Variants in SEL1L3 observed in about 807,000 individuals in gnomAD.
The protein encoded by SEL1L3 is protein sel-1 homolog 3.
Under a neutral mutation model 142.8 loss-of-function variants are expected in SEL1L3, and 76 were observed. The ratio of observed to expected loss-of-function variants is 0.53; its 90% CI spans 0.44 to 0.64. The LOEUF is 0.64. Among genes scored for constraint, SEL1L3 ranks in the 30% least tolerant of loss-of-function variants. The pLI is 0.00. For missense variants in SEL1L3, 1,262 were observed against 1,381.7 expected (o/e 0.91, Z 1.37); for synonymous variants, 504 against 519.6 (o/e 0.97, Z 0.41).
chr4:25,829,570 A>T lies in SEL1L3; in HGVS notation c.1157+528T>A, dbSNP rs551733410. Among the ~76,000 whole-genome samples, 31 of 152,388 alleles carry T rather than the reference A, an allele frequency of 2.0e-4. No individual in the cohort carries two copies. In the South Asian group the frequency reaches 6.2e-3, roughly 31 times the overall value. On this transcript the variant is annotated intron_variant, in intron 6 of 23. Transcript: ENST00000399878. The stretch of plus-strand genomic sequence containing the variant: ...GGATGTAGAAGTAAATTAAAAAATT[A>T]TGAAACACAGGCAGGAAACTCAGTT...
chr4:25,797,628 T>A (rs1029504759), intron 11 of SEL1L3, among the ~76,000 whole-genome samples: 2 of 152,064 alleles, frequency 1.3e-5, no homozygotes, highest in African/African-American at 4.8e-5. Flanking sequence ...GTACCTGCCA[T>A]CAAGAACGAA....
intron 5 of SEL1L3, among the ~76,000 whole-genome samples, chr4:25,831,393 G>C (rs73117332): frequency 0.012 from 1,798 of 151,468 alleles, 37 homozygotes; most frequent in African/African-American, 0.041. Context: ...TGTCCAACCA[G>C]AGAAATCTTC....
chr4:25,814,246 A>T (rs181983019), intron 9 of SEL1L3, among the ~76,000 whole-genome samples: 25 of 152,232 alleles, frequency 1.6e-4, no homozygotes, highest in Admixed American at 1.6e-3. Context: ...TTTCTTTTAC[A>T]TTAGCCTAAA....
At chr4:25,854,515 T>G (rs1560362015) in intron 1 of SEL1L3, among the ~76,000 whole-genome samples, 3 of 152,186 alleles carry the variant, frequency 2.0e-5, no homozygotes, top group Non-Finnish European at 4.4e-5. Context: ...TGACCTCAGG[T>G]GATCCACCCA....
chr4:25,717,177 C>T, the SEL1L3 span, among the ~76,000 whole-genome samples: 1 of 152,086 alleles, frequency 6.6e-6, no homozygotes, highest in East Asian at 1.9e-4. Context: ...TAAATATATA[C>T]ACCTACTATG....
chr4:25,777,020 TTAAAAATACAAAAAA>T (rs1201605302), intron 16 of SEL1L3, among the ~76,000 whole-genome samples: 2 of 150,380 alleles, frequency 1.3e-5, no homozygotes, highest in South Asian at 2.1e-4. Context: ...AGATGAAAAT[TTAAAAATACAAAAAA>T]TAAAAATACA....
chr4:25,714,047 A>G, the SEL1L3 span, among the ~76,000 whole-genome samples: 1 of 152,176 alleles, frequency 6.6e-6, no homozygotes, highest in African/African-American at 2.4e-5. Flanking sequence ...TGATAAGGCA[A>G]GTCACTCCTC....
chr4:25,825,496 C>A (rs887965855), intron 6 of SEL1L3, among the ~76,000 whole-genome samples: 5 of 152,004 alleles, frequency 3.3e-5, no homozygotes, highest in Non-Finnish European at 5.9e-5. Context: ...GCACCAGAAG[C>A]CTGAAAGAAT....
At chr4:25,773,602 A>C (rs16877538) in intron 17 of SEL1L3, 1 of 151,910 alleles carries the variant, frequency 6.6e-6, no homozygotes, top group African/African-American at 2.4e-5. Context: ...ATAAGCATCT[A>C]AGAAACAGGC....
At chr4:25,847,204 C>T in intron 2 of SEL1L3, 90 bp downstream of exon 2, 1 of 1,095,928 alleles carries the variant, frequency 9.1e-7, no homozygotes, top group East Asian at 2.4e-5. Flanking sequence ...TCCCCCTTCG[C>T]TAATAGAAGA....
chr4:25,813,404 C>T (rs1480159123), intron 9 of SEL1L3, among the ~76,000 whole-genome samples: 1 of 152,184 alleles, frequency 6.6e-6, no homozygotes, highest in East Asian at 1.9e-4. Context: ...CACACTGCAA[C>T]AGAGGTGAAC....
intron 4 of SEL1L3, 34 bp from the exon 5 acceptor site, chr4:25,833,144 A>C (rs766218755): frequency 1.7e-6 from 2 of 1,184,662 alleles, no homozygotes; most frequent in Non-Finnish European, 2.5e-6. Flanking sequence ...GAAAATGAGC[A>C]AAAAATATCT....
At chr4:25,721,695 G>A in the SEL1L3 span, among the ~76,000 whole-genome samples, 2 of 152,204 alleles carry the variant, frequency 1.3e-5, no homozygotes, top group African/African-American at 4.8e-5. Context: ...GAAATTCACA[G>A]GAGGAAGGCT....
intron 6 of SEL1L3, among the ~76,000 whole-genome samples, chr4:25,827,143 A>T (rs1715147212): frequency 6.6e-6 from 1 of 152,164 alleles, no homozygotes; most frequent in Admixed American, 6.5e-5. Flanking sequence ...TTGATTTTTA[A>T]AAACATCATA....
At position 25,819,879 on chromosome 4, in the gene SEL1L3, C is replaced by T. The variant is rs1381701894; in HGVS notation, c.1352G>A (p.Cys451Tyr). ...AGATACTATTTCTTGAACCTCAGCA[C>T]ACCTTTCATAATATAACTTGATTTG... ...AEQIKLYYER[C>Y]AEVQEIVSVY... The change falls in exon 8 of 24, where the codon TGT becomes TAT. Residue 451 changes from cysteine to tyrosine, a missense_variant. Coordinates refer to ENST00000399878, the MANE Select transcript of SEL1L3 (RefSeq NM_015187.5). The T allele has an allele frequency of 1.9e-6, 3 of 1,613,224 alleles. No homozygotes were observed. The highest frequency in any genetic ancestry group is 2.7e-5 in the African/African-American group (2 of 74,920).
intron 8 of SEL1L3, among the ~76,000 whole-genome samples, chr4:25,818,755 TTCC>T (rs1203385105): frequency 6.6e-6 from 1 of 152,230 alleles, no homozygotes; most frequent in East Asian, 1.9e-4. Flanking sequence ...GTTATTACTA[TTCC>T]TATATATCTT....
chr4:25,810,875 G>C (rs1352712612), intron 9 of SEL1L3, among the ~76,000 whole-genome samples: 1 of 152,258 alleles, frequency 6.6e-6, no homozygotes, highest in Non-Finnish European at 1.5e-5. Flanking sequence ...GGCACCCCGA[G>C]TAGCCCCGCC....
intron 5 of SEL1L3, among the ~76,000 whole-genome samples, chr4:25,831,421 A>G (rs2109280109): frequency 6.6e-6 from 1 of 151,422 alleles, no homozygotes; most frequent in South Asian, 2.1e-4. Flanking sequence ...ACCTCCCCTA[A>G]GCATTCCAGC....
intron 17 of SEL1L3, among the ~76,000 whole-genome samples, chr4:25,774,782 C>G (rs1002147870): frequency 1.3e-5 from 2 of 152,156 alleles, no homozygotes; most frequent in African/African-American, 4.8e-5. Context: ...CAGGCGGAGG[C>G]TGCAGTGAGC....
Sources: allele counts gnomAD v4.1 joint callset (sites outside exome capture counted in the v4.1 genomes callset), GRCh38; gene constraint gnomAD v4.1.1; transcripts MANE v1.5; gene names NCBI Gene and HGNC (gene_info 2026-07-23, HGNC 2026-07-21).